The following ATM variants were observed in gnomAD, a reference collection of about 807,000 sequenced individuals.
ATM encodes serine-protein kinase ATM.
A neutral mutation model predicts 387.0 loss-of-function variants in ATM; 308 were observed. The ratio of observed to expected loss-of-function variants is 0.80; its 90% CI spans 0.73 to 0.87. ATM has a LOEUF of 0.87. Among genes scored for constraint, ATM ranks in the 40% least tolerant of loss-of-function variants. The pLI is 0.00. For synonymous variants in ATM, 1,156 were observed against 1,187.3 expected, an observed-to-expected ratio of 0.97 and a Z score of 0.54; for missense variants, 3,312 against 3,560.9, an observed-to-expected ratio of 0.93 and a Z score of 1.78.
At chr11:108,360,589 T>C (rs961166686) in intron 61 of ATM, among the ~76,000 whole-genome samples, 5 of 148,180 alleles carry the variant, frequency 3.4e-5, no homozygotes, top group Admixed American at 2.7e-4. Flanking sequence ...ATCCAAAAGC[T>C]TATCCACCAT....
intron 49 of ATM, 116 bp downstream of exon 49, chr11:108,329,354 C>T (rs2086018878): frequency 1.3e-5 from 12 of 954,724 alleles, no homozygotes; most frequent in Admixed American, 7.0e-5. Context: ...CTCTAAAGGT[C>T]GGCTTAACTA....
At chr11:108,267,094 C>G (rs1358286671) in intron 16 of ATM, 77 bp from the exon 17 acceptor site, 2 of 1,445,894 alleles carry the variant, frequency 1.4e-6, no homozygotes, top group Non-Finnish European at 1.9e-6. Flanking sequence ...CTGTGCCCAG[C>G]CTGATTAGGT....
Position 108,367,681 on chromosome 11 carries a change from A to G in ATM, c.*2173A>G, listed in dbSNP as rs574366425. ...GAGTTGGCATTTCTTTTTATTGCCA[A>G]TGGCAGGCACTCATTCATATTTGAT... On this transcript the variant is annotated 3_prime_UTR_variant, in exon 63 of 63. Transcript: ENST00000675843. The G allele has an allele frequency of 5.6e-5, 12 of 214,724 alleles. No individual in the cohort carries two copies. The highest frequency in any genetic ancestry group is 8.5e-5 in the Non-Finnish European group (9 of 106,280). The allele number at this position is 214,724 out of a possible 1,614,324, so 13.3% of individuals were successfully genotyped here. A position where few individuals can be genotyped will look rare whatever the true frequency, so the allele number is the denominator to read the frequency against.
At chr11:108,282,240 GCCTCA>G (rs945706228) in intron 24 of ATM, among the ~76,000 whole-genome samples, 1 of 151,286 alleles carries the variant, frequency 6.6e-6, no homozygotes, top group African/African-American at 2.4e-5. Context: ...CCATTCTCCT[GCCTCA>G]GCCTCCCGAG....
At chr11:108,301,498 T>TC in intron 34 of ATM, 150 bp from the exon 35 acceptor site, 1 of 906,784 alleles carries the variant, frequency 1.1e-6, no homozygotes, top group Non-Finnish European at 1.7e-6. Flanking sequence ...AGTCCTTTGA[T>TC]ACTTTTATTT....
rs1214283617 is a variant in ATM at position 108,249,070 on chromosome 11, G to A, written c.1203G>A (p.Gln401=). ...LGWEVIKDHL[Q]KSQNDFDLVP... ...GGGAAGTAATAAAAGATCACCTTCA[G>A]AAGTCACAGAATGATTTTGATCTTG... Residue 401 remains glutamine (Q), a synonymous_variant, in exon 9 of 63, where the codon CAG becomes CAA. Coordinates refer to ENST00000675843, the MANE Select transcript of ATM (RefSeq NM_000051.4). 3 of 1,613,876 alleles carry A rather than the reference G, an allele frequency of 1.9e-6. No individual in the cohort carries two copies. The African/African-American group carries it at 4.0e-5, about 22-fold the overall frequency.
rs148889807 is a variant in ATM, at chr11:108,318,179, C to T, written c.6347+658C>T. ...GAGTTTGAGACCAGCCTGGGAAACA[C>T]GGTGAAACCCTTTCTCTACTAAAAT... On this transcript the variant is annotated intron_variant, in intron 43 of 62. Coordinates refer to ENST00000675843, the MANE Select transcript of ATM (RefSeq NM_000051.4). Among the ~76,000 whole-genome samples the T allele has an allele frequency of 8.4e-3, 1,269 of 151,782 alleles. 15 individuals are homozygous for T. Among genetic ancestry groups the T allele is most frequent in the African/African-American group, 0.029 (1,201 of 41,384 alleles).
intron 59 of ATM, among the ~76,000 whole-genome samples, chr11:108,349,932 A>G (rs2088981358): frequency 6.6e-6 from 1 of 152,194 alleles, no homozygotes; most frequent in African/African-American, 2.4e-5. Flanking sequence ...AGTGATGCCA[A>G]TAGGAAAGTC....
chr11:108,310,071 T>C (rs964159022), intron 38 of ATM, 89 bp from the exon 39 acceptor site: 2 of 1,380,212 alleles, frequency 1.4e-6, no homozygotes, highest in African/African-American at 2.9e-5. Context: ...TGTTAAGCAG[T>C]CACTACCATT....
intron 26 of ATM, among the ~76,000 whole-genome samples, chr11:108,285,216 T>C (rs2082431006): frequency 6.6e-6 from 1 of 152,100 alleles, no homozygotes; most frequent in South Asian, 2.1e-4. Context: ...CACCTCAGCC[T>C]CCCAAAGTGC....
chr11:108,280,616 A>C (rs953081094), intron 23 of ATM, among the ~76,000 whole-genome samples: 1 of 152,148 alleles, frequency 6.6e-6, no homozygotes, highest in African/African-American at 2.4e-5. Flanking sequence ...TTTGTGTTAC[A>C]AGCAATCCAA....
At chr11:108,355,099 G>A (rs1434987645) in intron 61 of ATM, 1 of 550,332 alleles carries the variant, frequency 1.8e-6, no homozygotes, top group Non-Finnish European at 3.3e-6. Context: ...TTAGAGCATT[G>A]TAAGTAGTCT....
At chr11:108,223,820 G>A (rs1260210887) in intron 1 of ATM, 2 of 152,238 alleles carry the variant, frequency 1.3e-5, no homozygotes, top group Non-Finnish European at 2.9e-5. Flanking sequence ...AGACCTCGCA[G>A]TGTTACCTTG....
In ATM at chr11:108,365,836, C is replaced by G. The variant is rs2091289127; in HGVS notation, c.*328C>G. On this transcript the variant is annotated 3_prime_UTR_variant, in exon 63 of 63. Coordinates refer to ENST00000675843, the MANE Select transcript of ATM (RefSeq NM_000051.4). ...AGACCAGCCTGGCCAAGAGACCAGC[C>G]TGGCCAGTATGGTGAAACCCTGTCT... 1 of 335,540 alleles carries G rather than the reference C, an allele frequency of 3.0e-6. No homozygotes were observed. Among genetic ancestry groups the G allele is most frequent in the African/African-American group, 2.1e-5 (1 of 46,870 alleles). 20.8% of individuals were successfully genotyped at this position (335,540 alleles called of 1,614,324 possible).
chr11:108,238,850 T>A lies in ATM; in HGVS notation c.496+3016T>A, dbSNP rs184606965. On this transcript the variant is annotated intron_variant, in intron 5 of 62. Transcript: ENST00000675843. ...ATAACATTTATAATTTTAACTTTTTTAAGTGTACAGTTGTGTAGTATTAAG... is the reference window on the plus strand; with the variant it reads ...ATAACATTTATAATTTTAACTTTTTAAAGTGTACAGTTGTGTAGTATTAAG... Among the ~76,000 whole-genome samples the A allele has an allele frequency of 5.4e-4, 82 of 152,326 alleles. 1 individual carries two copies. In the East Asian group the frequency reaches 0.012, roughly 23 times the overall value.
Position 108,251,945 on chromosome 11 carries a change from A to G in ATM, c.1716A>G (p.Leu572=). 6.2e-7 allele frequency: 1 copy of G among 1,613,870 alleles called. No homozygotes were observed. Among genetic ancestry groups the G allele is most frequent in the South Asian group, 1.1e-5 (1 of 91,072 alleles). Residue 572 remains leucine, a synonymous_variant, in exon 11 of 63, where the codon TTA becomes TTG. Transcript: ENST00000675843. ...NMCEVNRSFS[L]KESIMKWLLF... is the part of the protein sequence containing the mutation. ...GTGAAGTAAATAGAAGCTTTTCTTTAAAGGAATCAATAATGAAATGGCTCT... is the reference window on the plus strand; with the variant it reads ...GTGAAGTAAATAGAAGCTTTTCTTTGAAGGAATCAATAATGAAATGGCTCT...
In ATM at chr11:108,299,696, T is replaced by C; in HGVS notation, c.5006-18T>C. On this transcript the variant is annotated intron_variant, in intron 33 of 62. Transcript: ENST00000675843. ...TCTCTTACCTATGACTCTACTGAAATAGAATTTCTATATGTAGAGGCTGTT... is the reference window on the plus strand; with the variant it reads ...TCTCTTACCTATGACTCTACTGAAACAGAATTTCTATATGTAGAGGCTGTT... 3 of 1,612,162 alleles carry C rather than the reference T, an allele frequency of 1.9e-6. No individual in the cohort carries two copies. Among genetic ancestry groups the C allele is most frequent in the South Asian group, 1.1e-5 (1 of 91,030 alleles).
At position 108,366,406 on chromosome 11, in the gene ATM, TG is replaced by T. The variant is rs2091333715; in HGVS notation, c.*899del. On this transcript the variant is annotated 3_prime_UTR_variant, in exon 63 of 63. Transcript: ENST00000675843. ...GATGTCATTTTTAATGTTTTTTTAATGTTTTTTATGTCACTAATTATTTTAA... is the reference window on the plus strand; with the variant it reads ...GATGTCATTTTTAATGTTTTTTTAATTTTTTTATGTCACTAATTATTTTAA... The T allele has an allele frequency of 1.4e-5, 3 of 218,330 alleles. No homozygotes were observed. The highest frequency in any genetic ancestry group is 2.8e-5 in the Non-Finnish European group (3 of 108,796). The allele number at this position is 218,330 out of a possible 1,614,324, so 13.5% of individuals were successfully genotyped here.
intron 53 of ATM, 148 bp downstream of exon 53, chr11:108,333,048 C>T: frequency 1.1e-6 from 1 of 943,284 alleles, no homozygotes; most frequent in South Asian, 1.6e-5. Context: ...TTCAGCATTC[C>T]CTGGTTACTT....
Sources: gnomAD v4.1 joint callset for allele counts (sites outside exome capture counted in the v4.1 genomes callset) on GRCh38, gnomAD v4.1.1 for gene constraint, MANE v1.5 for transcripts, NCBI Gene and HGNC (gene_info 2026-07-23, HGNC 2026-07-21) for gene names.